FGD4: variants seen among roughly 807,000 people sequenced by gnomAD.
FGD4 encodes the protein FYVE, RhoGEF and PH domain containing 4.
A neutral mutation model predicts 102.0 loss-of-function variants in FGD4; 42 were observed. The observed-to-expected ratio is 0.41, with a 90% confidence interval of 0.32 to 0.53. FGD4 has a LOEUF of 0.53. FGD4 is among the 20% of genes least tolerant of loss of function. The pLI is 0.21. For missense variants in FGD4, 902 were observed against 1,078.2 expected, an observed-to-expected ratio of 0.84 and a Z score of 2.29; for synonymous variants, 380 against 375.7, an observed-to-expected ratio of 1.01 and a Z score of -0.13.
intron 1 of FGD4, among the ~76,000 whole-genome samples, chr12:32,468,506 G>A (rs920153016): frequency 1.3e-5 from 2 of 152,114 alleles, no homozygotes; most frequent in Non-Finnish European, 2.9e-5. Context: ...TAAAAGTATG[G>A]TGTGTTCTAA....
intron 1 of FGD4, among the ~76,000 whole-genome samples, chr12:32,503,872 A>G (rs1938448334): frequency 6.6e-6 from 1 of 152,178 alleles, no homozygotes; most frequent in Non-Finnish European, 1.5e-5. Flanking sequence ...TTTAATTACC[A>G]TTATCTTAGA....
chr12:32,563,643 G>A (rs1457592471), intron 1 of FGD4, among the ~76,000 whole-genome samples: 2 of 152,190 alleles, frequency 1.3e-5, no homozygotes, highest in East Asian at 3.9e-4. Flanking sequence ...GGGAGGCCAA[G>A]GCAGGCGGCT....
At position 32,619,787 on chromosome 12, in the gene FGD4, G is replaced by T; in HGVS notation, c.1839G>T (p.Met613Ile). Residue 613 changes from methionine (M) to isoleucine (I), a missense_variant, in exon 11 of 17, where the codon ATG becomes ATT. By Grantham distance (10) the Met-to-Ile change is conservative. Coordinates refer to ENST00000534526, the MANE Select transcript of FGD4 (RefSeq NM_001370298.3). ...TVRTRVGIDG[M>I]KIVETQNEEY... Reference sequence around the variant, plus strand: ...GAACCAGGGTTGGCATTGATGGAATGAAAATTGTAGAGACTCAAAATGAAG... The same window carrying T: ...GAACCAGGGTTGGCATTGATGGAATTAAAATTGTAGAGACTCAAAATGAAG... 1 of 1,614,154 alleles carries T rather than the reference G, an allele frequency of 6.2e-7. No individual in the cohort carries two copies. Among genetic ancestry groups the T allele is most frequent in the East Asian group, 2.2e-5 (1 of 44,878 alleles).
chr12:32,520,334 G>T (rs1332394025), intron 1 of FGD4, among the ~76,000 whole-genome samples: 2 of 151,760 alleles, frequency 1.3e-5, no homozygotes, highest in Non-Finnish European at 2.9e-5. Flanking sequence ...TACCTTAAAA[G>T]ATTTTTTAAA....
At chr12:32,500,398 TTTTATTTTATTTTATTTTA>T (rs1938118395) in intron 1 of FGD4, among the ~76,000 whole-genome samples, 3 of 15,190 alleles carry the variant, frequency 2.0e-4, no homozygotes, top group African/African-American at 4.7e-4. Context: ...TTTATTTTTA[TTTTATTTTATTTTATTTTA>T]TTTTATTTTA....
intron 14 of FGD4, 134 bp downstream of exon 14, chr12:32,625,913 G>A (rs1950136580): frequency 8.2e-7 from 1 of 1,224,410 alleles, no homozygotes; most frequent in African/African-American, 1.5e-5. Context: ...ATTACGTGCA[G>A]AGGACTGTGC....
chr12:32,520,032 A>G (rs563653091), intron 1 of FGD4, among the ~76,000 whole-genome samples: 17 of 152,210 alleles, frequency 1.1e-4, no homozygotes, highest in Non-Finnish European at 2.2e-4. Flanking sequence ...CTTCTGAGAT[A>G]TTACTATAGA....
chr12:32,518,816 AAG>A (rs1940178349), intron 1 of FGD4, among the ~76,000 whole-genome samples: 1 of 148,066 alleles, frequency 6.8e-6, no homozygotes, highest in South Asian at 2.1e-4. Context: ...TTCTTTACAA[AAG>A]AAAAAAAAAA....
At chr12:32,587,187 CAAAAAAAAAAA>C (rs1181469038) in intron 4 of FGD4, among the ~76,000 whole-genome samples, 3 of 66,148 alleles carry the variant, frequency 4.5e-5, no homozygotes, top group African/African-American at 1.4e-4. Flanking sequence ...GAGACTCTCT[CAAAAAAAAAAA>C]AAAAAAAAAA....
intron 1 of FGD4, among the ~76,000 whole-genome samples, chr12:32,509,086 A>G (rs1002053319): frequency 1.3e-5 from 2 of 152,242 alleles, no homozygotes; most frequent in African/African-American, 4.8e-5. Flanking sequence ...ATCTTTAACT[A>G]ATATTTGAGA....
At chr12:32,448,136 C>G (rs1942674212) in intron 1 of FGD4, among the ~76,000 whole-genome samples, 1 of 152,222 alleles carries the variant, frequency 6.6e-6, no homozygotes, top group Admixed American at 6.5e-5. Context: ...GATGCCCTCA[C>G]TTGCTCATTC....
At chr12:32,630,779 G>A (rs1451653596) in intron 14 of FGD4, among the ~76,000 whole-genome samples, 4 of 150,400 alleles carry the variant, frequency 2.7e-5, no homozygotes, top group African/African-American at 7.4e-5. Flanking sequence ...TCGCGCCACT[G>A]CACTCCAGCC....
chr12:32,471,150 C>T (rs910950896), intron 1 of FGD4, among the ~76,000 whole-genome samples: 2 of 152,154 alleles, frequency 1.3e-5, no homozygotes, highest in Non-Finnish European at 2.9e-5. Context: ...ACCCCCACAC[C>T]AAGCTCTCAG....
At chr12:32,546,618 T>TGG (rs1565825360) in intron 1 of FGD4, among the ~76,000 whole-genome samples, 2 of 152,220 alleles carry the variant, frequency 1.3e-5, no homozygotes, top group African/African-American at 4.8e-5. Context: ...CTGAGGAGGT[T>TGG]TGGGTCAGGC....
intron 1 of FGD4, among the ~76,000 whole-genome samples, chr12:32,465,476 C>G (rs942685925): frequency 9.9e-5 from 15 of 151,298 alleles, no homozygotes; most frequent in African/African-American, 3.6e-4. Context: ...GAGACCATCC[C>G]GGCCAACATG....
At chr12:32,466,543 A>G (rs2136507550) in intron 1 of FGD4, among the ~76,000 whole-genome samples, 1 of 152,170 alleles carries the variant, frequency 6.6e-6, no homozygotes, top group East Asian at 1.9e-4. Flanking sequence ...ATTTAATGTT[A>G]TCCAAAATAC....
At chr12:32,565,856 A>G (rs1401743899) in intron 2 of FGD4, among the ~76,000 whole-genome samples, 2 of 152,234 alleles carry the variant, frequency 1.3e-5, no homozygotes, top group Non-Finnish European at 2.9e-5. Context: ...GAATATTTGC[A>G]GATATTAAAT....
rs1157108520 is a variant in FGD4 at position 32,481,127 on chromosome 12, C to CAAAAAAAAAAAAAAAAAAAA, written c.166+81179_166+81198dup. On this transcript the variant is annotated intron_variant, in intron 1 of 16. Coordinates refer to ENST00000534526, the MANE Select transcript of FGD4 (RefSeq NM_001370298.3). Reference sequence around the variant, plus strand: ...TGGGTGACAGAGTGAGACTCCGTCTCAAAAAAAAAAAAAAAAAAAAAAAAA... The same window carrying CAAAAAAAAAAAAAAAAAAAA: ...TGGGTGACAGAGTGAGACTCCGTCTCAAAAAAAAAAAAAAAAAAAAAAAAAAAAAAAAAAAAAAAAAAAAA... Among the ~76,000 whole-genome samples, 2 of 27,360 alleles carry CAAAAAAAAAAAAAAAAAAAA rather than the reference C, an allele frequency of 7.3e-5. 1 individual carries two copies. Among genetic ancestry groups the CAAAAAAAAAAAAAAAAAAAA allele is most frequent in the Non-Finnish European group, 1.1e-4 (2 of 17,876 alleles). 17.9% of individuals were successfully genotyped at this position (27,360 alleles called of 152,430 possible).
At chr12:32,501,440 C>A (rs1302964533) in intron 1 of FGD4, among the ~76,000 whole-genome samples, 1 of 152,134 alleles carries the variant, frequency 6.6e-6, no homozygotes, top group African/African-American at 2.4e-5. Flanking sequence ...ACTGTTCCTG[C>A]AGAATCAGTA....
Sources: allele counts gnomAD v4.1 joint callset (sites outside exome capture counted in the v4.1 genomes callset), GRCh38; gene constraint gnomAD v4.1.1; transcripts MANE v1.5; gene names NCBI Gene and HGNC (gene_info 2026-07-23, HGNC 2026-07-21).